The following CFAP299 variants were observed in gnomAD, a reference collection of about 807,000 sequenced individuals.
CFAP299 encodes cilia and flagella associated protein 299.
A neutral mutation model predicts 27.0 loss-of-function variants in CFAP299; 21 were observed. That is an observed-to-expected ratio of 0.78 (90% CI 0.55 to 1.12). The LOEUF is 1.12. CFAP299 is among the 50% of genes most tolerant of loss of function. The pLI is 0.00. For synonymous variants in CFAP299, 104 were observed against 98.1 expected, an observed-to-expected ratio of 1.06 and a Z score of -0.36; for missense variants, 310 against 276.6, an observed-to-expected ratio of 1.12 and a Z score of -0.86.
At chr4:80,501,841 T>A (rs1055261279) in intron 2 of CFAP299, among the ~76,000 whole-genome samples, 2 of 151,906 alleles carry the variant, frequency 1.3e-5, no homozygotes, top group East Asian at 1.9e-4. Context: ...TCTTTTCTTT[T>A]ATTCTTCAGG....
intron 3 of CFAP299, among the ~76,000 whole-genome samples, chr4:80,675,507 AG>A (rs1719378746): frequency 6.6e-6 from 1 of 152,216 alleles, no homozygotes; most frequent in Non-Finnish European, 1.5e-5. Context: ...GACCCACTTG[AG>A]GAGGCAGTCT....
At chr4:80,492,979 C>T (rs1731216123) in intron 2 of CFAP299, among the ~76,000 whole-genome samples, 1 of 152,056 alleles carries the variant, frequency 6.6e-6, no homozygotes, top group Non-Finnish European at 1.5e-5. Context: ...ATACAAAGTA[C>T]ACAGTCAGGT....
chr4:80,389,755 T>G (rs939713397), intron 2 of CFAP299, among the ~76,000 whole-genome samples: 2 of 152,206 alleles, frequency 1.3e-5, no homozygotes, highest in African/African-American at 4.8e-5. Context: ...ATTGAGCACA[T>G]TCAAATATTC....
chr4:80,871,657 AAAAACACTGAATTCT>A, intron 4 of CFAP299: 1 of 975,250 alleles, frequency 1.0e-6, no homozygotes, highest in Non-Finnish European at 1.2e-6. Flanking sequence ...ATAATTTATT[AAAAACACTGAATTCT>A]ATTATCTTAG....
chr4:80,776,448 T>C (rs1726545541), intron 3 of CFAP299, among the ~76,000 whole-genome samples: 2 of 152,104 alleles, frequency 1.3e-5, no homozygotes, highest in African/African-American at 4.8e-5. Context: ...ATATGAAGAT[T>C]ACGGTCCATG....
intron 2 of CFAP299, among the ~76,000 whole-genome samples, chr4:80,480,441 T>C (rs936851924): frequency 1.3e-5 from 2 of 151,996 alleles, no homozygotes; most frequent in Non-Finnish European, 2.9e-5. Context: ...ACAGTTGTCT[T>C]ATTTGGTCTA....
At chr4:80,653,260 A>C (rs571424312) in intron 3 of CFAP299, among the ~76,000 whole-genome samples, 1 of 152,268 alleles carries the variant, frequency 6.6e-6, no homozygotes, top group South Asian at 2.1e-4. Context: ...CAGGTAAGGC[A>C]CACAGGAGAT....
At chr4:80,831,031 G>A (rs757585155) in intron 3 of CFAP299, among the ~76,000 whole-genome samples, 1 of 152,034 alleles carries the variant, frequency 6.6e-6, no homozygotes, top group Non-Finnish European at 1.5e-5. Context: ...GAAAATGGCA[G>A]AAGTAAGGCA....
chr4:80,522,397 A>T (rs915720795), intron 2 of CFAP299, among the ~76,000 whole-genome samples: 13 of 151,954 alleles, frequency 8.6e-5, no homozygotes, highest in Non-Finnish European at 4.4e-5. Flanking sequence ...TATATTTTGG[A>T]TACAAACCCT....
chr4:80,944,559 A>G (rs1737373853), intron 4 of CFAP299, among the ~76,000 whole-genome samples: 1 of 152,176 alleles, frequency 6.6e-6, no homozygotes, highest in Non-Finnish European at 1.5e-5. Flanking sequence ...TAGTACTGTA[A>G]TAGGCCCTAG....
chr4:80,642,951 A>G (rs1259561306), intron 3 of CFAP299, among the ~76,000 whole-genome samples: 4 of 152,002 alleles, frequency 2.6e-5, no homozygotes, highest in Non-Finnish European at 5.9e-5. Flanking sequence ...AGTAAAGGAC[A>G]CTGAGAAGTA....
chr4:80,658,427 A>C (rs1303299252), intron 3 of CFAP299, among the ~76,000 whole-genome samples: 1 of 152,072 alleles, frequency 6.6e-6, no homozygotes, highest in Non-Finnish European at 1.5e-5. Context: ...GTTTATTGAG[A>C]GTTTTTAGCA....
At chr4:80,713,639 G>A (rs942958520) in intron 3 of CFAP299, among the ~76,000 whole-genome samples, 5 of 152,198 alleles carry the variant, frequency 3.3e-5, no homozygotes, top group African/African-American at 1.2e-4. Context: ...CATTGTAAGT[G>A]AGGTGCTTTT....
intron 2 of CFAP299, among the ~76,000 whole-genome samples, chr4:80,501,306 A>C (rs916667549): frequency 6.6e-6 from 1 of 151,500 alleles, no homozygotes; most frequent in African/African-American, 2.4e-5. Flanking sequence ...TGGTAGACTT[A>C]ATTTTTTTCA....
At chr4:80,349,765 T>C (rs1423828342) in intron 1 of CFAP299, among the ~76,000 whole-genome samples, 1 of 152,188 alleles carries the variant, frequency 6.6e-6, no homozygotes, top group African/African-American at 2.4e-5. Context: ...CAAACACTTA[T>C]AGGAAACGTC....
chr4:80,874,490 A>T (rs1295908050), intron 4 of CFAP299, among the ~76,000 whole-genome samples: 1 of 152,154 alleles, frequency 6.6e-6, no homozygotes, highest in Non-Finnish European at 1.5e-5. Flanking sequence ...AGACTGTGTA[A>T]TTTATAAACA....
rs372535068 is a variant in CFAP299, at chr4:80,933,151, T to C, written c.477-11659T>C. On this transcript the variant is annotated intron_variant, in intron 4 of 5. Transcript: ENST00000358105. The stretch of plus-strand genomic sequence containing the variant: ...TTCTTTCTTTTTCTTTCTTTCCTTT[T>C]CTTTCTTTCCTTTCCTTTCTTTCTT... Among the ~76,000 whole-genome samples the C allele has an allele frequency of 4.8e-3, 600 of 124,236 alleles. 1 individual carries two copies. The highest frequency in any genetic ancestry group is 0.016 in the Middle Eastern group (4 of 254). 81.5% of individuals were successfully genotyped at this position (124,236 alleles called of 152,430 possible).
At position 80,963,567 on chromosome 4, in the gene CFAP299, C is replaced by T. The variant is rs767907950; in HGVS notation, c.657C>T (p.Tyr219=). 127 of 1,609,184 alleles carry T rather than the reference C, an allele frequency of 7.9e-5. No homozygotes were observed. The highest frequency in any genetic ancestry group is 2.0e-4 in the Admixed American group (12 of 59,344). ...STRITILTEL[Y]VQAVIFDHIS... is the part of the protein sequence containing the mutation. ...GAATCACTATCCTGACAGAACTCTA[C>T]GTACAAGCTGTCATTTTTGACCACA... The change falls in exon 6 of 6, where the codon TAC becomes TAT. Residue 219 remains tyrosine (Y), a synonymous_variant. Transcript: ENST00000358105.
intron 3 of CFAP299, among the ~76,000 whole-genome samples, chr4:80,686,080 C>CAA (rs1171572881): frequency 6.6e-6 from 1 of 151,820 alleles, no homozygotes; most frequent in Non-Finnish European, 1.5e-5. Flanking sequence ...ACTGACCAAC[C>CAA]AAGTATAGCA....
Sources: allele counts gnomAD v4.1 joint callset (sites outside exome capture counted in the v4.1 genomes callset), GRCh38; gene constraint gnomAD v4.1.1; transcripts MANE v1.5; gene names NCBI Gene and HGNC (gene_info 2026-07-23, HGNC 2026-07-21).